CDH6: variants seen among roughly 807,000 people sequenced by gnomAD.
The protein encoded by CDH6 is cadherin-6.
CDH6 carries 31 observed loss-of-function variants against 78.0 expected under a neutral mutation model. The ratio of observed to expected loss-of-function variants is 0.40; its 90% CI spans 0.30 to 0.54. The LOEUF (loss-of-function observed/expected upper bound fraction) is 0.54. Ranked by LOEUF, CDH6 falls within the 20% of genes least tolerant of loss-of-function variation. CDH6 has a pLI of 0.56. For missense variants in CDH6, 724 were observed against 975.9 expected (o/e 0.74, Z 3.44); for synonymous variants, 376 against 368.8 (o/e 1.02, Z -0.23).
At chr5:31,220,459 A>G (rs188826336) in intron 1 of CDH6, among the ~76,000 whole-genome samples, 2 of 152,240 alleles carry the variant, frequency 1.3e-5, no homozygotes, top group African/African-American at 4.8e-5. Flanking sequence ...CAAATTCTCT[A>G]TTTATTTCTT....
intron 1 of CDH6, among the ~76,000 whole-genome samples, chr5:31,231,785 G>T (rs1324564465): frequency 1.3e-5 from 2 of 152,164 alleles, no homozygotes; most frequent in Non-Finnish European, 2.9e-5. Context: ...CCACACTGGG[G>T]ATTAAATTTC....
rs74838993 is a variant in CDH6, at chr5:31,248,203, A to C, written c.-128-19143A>C. On this transcript the variant is annotated intron_variant, in intron 1 of 11. Coordinates refer to ENST00000265071, the MANE Select transcript of CDH6 (RefSeq NM_004932.4). The stretch of plus-strand genomic sequence containing the variant: ...ACTCATTGGCATGAGTACGATGTTT[A>C]ACTGTTCAAATTAAAAGCAGACCTC... Among the ~76,000 whole-genome samples the C allele has an allele frequency of 4.0e-3, 605 of 152,314 alleles. 6 individuals carry two copies. The highest frequency in any genetic ancestry group is 0.014 in the African/African-American group (572 of 41,574).
intron 2 of CDH6, among the ~76,000 whole-genome samples, chr5:31,273,372 T>C (rs1742587119): frequency 1.3e-5 from 2 of 152,212 alleles, no homozygotes; most frequent in South Asian, 4.1e-4. Flanking sequence ...TCGTCATAGC[T>C]GATATTTTCC....
chr5:31,323,641 T>G lies in CDH6; in HGVS notation c.*333T>G, dbSNP rs1005572160. The G allele has an allele frequency of 1.2e-5, 4 of 322,484 alleles. No individual in the cohort carries two copies. The highest frequency in any genetic ancestry group is 8.1e-5 in the African/African-American group (4 of 49,080). The allele number at this position is 322,484 out of a possible 1,614,324, so 20.0% of individuals were successfully genotyped here. On this transcript the variant is annotated 3_prime_UTR_variant, in exon 12 of 12. Coordinates refer to ENST00000265071, the MANE Select transcript of CDH6 (RefSeq NM_004932.4). ...GTGTTTTACTACACTCCATGTCAGG[T>G]CAGCCAACTGCCCTAACTGTACATT...
At chr5:31,244,207 T>G (rs115725845) in intron 1 of CDH6, among the ~76,000 whole-genome samples, 2,528 of 152,320 alleles carry the variant, frequency 0.017, 47 homozygotes, top group African/African-American at 0.042. Flanking sequence ...AGTTGAAACT[T>G]ATTATCAAGA....
chr5:31,299,756 T>A (rs1737709963), intron 5 of CDH6, 125 bp downstream of exon 5: 1 of 755,496 alleles, frequency 1.3e-6, no homozygotes, highest in Admixed American at 2.5e-5. Flanking sequence ...ACTGGTACTT[T>A]TATTAAAAAT....
rs1579922838 is a variant in CDH6 at position 31,328,812 on chromosome 5, A to C, written c.*5504A>C. 1 of 218,476 alleles carries C rather than the reference A, an allele frequency of 4.6e-6. No individual in the cohort carries two copies. Among genetic ancestry groups the C allele is most frequent in the South Asian group, 1.8e-4 (1 of 5,414 alleles). The allele number at this position is 218,476 out of a possible 1,614,324, so 13.5% of individuals were successfully genotyped here. A position where few individuals can be genotyped will look rare whatever the true frequency, so the allele number is the denominator to read the frequency against. ...TCTTTGGCAACAAGAACACCTGATGAAAGCAAGCAATGCTCAGTTCCCATC... is the reference window on the plus strand; with the variant it reads ...TCTTTGGCAACAAGAACACCTGATGCAAGCAAGCAATGCTCAGTTCCCATC... On this transcript the variant is annotated 3_prime_UTR_variant, in exon 12 of 12. Coordinates refer to ENST00000265071, the MANE Select transcript of CDH6 (RefSeq NM_004932.4).
intron 1 of CDH6, among the ~76,000 whole-genome samples, chr5:31,255,728 G>A (rs1351922919): frequency 6.6e-6 from 1 of 152,144 alleles, no homozygotes; most frequent in Non-Finnish European, 1.5e-5. Context: ...TTTTGGTGTT[G>A]CAGTATCCCT....
At chr5:31,259,383 T>C (rs1579859214) in intron 1 of CDH6, among the ~76,000 whole-genome samples, 1 of 152,200 alleles carries the variant, frequency 6.6e-6, no homozygotes, top group Non-Finnish European at 1.5e-5. Flanking sequence ...TACCTTCATC[T>C]CCTGCAGGCC....
chr5:31,235,123 A>T (rs4457092), intron 1 of CDH6, among the ~76,000 whole-genome samples: 1 of 151,872 alleles, frequency 6.6e-6, no homozygotes, highest in Admixed American at 6.6e-5. Flanking sequence ...GGGTAGAAGA[A>T]AATTTTTGAA....
intron 8 of CDH6, among the ~76,000 whole-genome samples, chr5:31,315,121 T>C (rs924706281): frequency 1.2e-4 from 18 of 152,204 alleles, no homozygotes; most frequent in South Asian, 4.1e-4. Context: ...TCTGGGCAAA[T>C]GATATCTCAT....
intron 2 of CDH6, among the ~76,000 whole-genome samples, chr5:31,275,571 A>G (rs1742668344): frequency 6.6e-6 from 1 of 152,196 alleles, no homozygotes; most frequent in South Asian, 2.1e-4. Context: ...TCCATGGTGT[A>G]TACAGACCAC....
intron 1 of CDH6, among the ~76,000 whole-genome samples, chr5:31,245,823 C>T (rs1381227488): frequency 6.6e-6 from 1 of 151,476 alleles, no homozygotes; most frequent in East Asian, 2.0e-4. Context: ...TCAACCTCTA[C>T]TTCTAATACG....
At chr5:31,316,388 T>C in intron 9 of CDH6, 59 bp downstream of exon 9, 5 of 1,444,024 alleles carry the variant, frequency 3.5e-6, no homozygotes. Flanking sequence ...GATCTTCTTA[T>C]CATTCAGATG....
intron 1 of CDH6, among the ~76,000 whole-genome samples, chr5:31,242,966 G>A (rs1178476563): frequency 6.6e-6 from 1 of 152,112 alleles, no homozygotes; most frequent in Non-Finnish European, 1.5e-5. Context: ...ATCACTCTAA[G>A]TCTTTGGATT....
rs147452808 is a variant in CDH6, at chr5:31,298,815, T to G, written c.644-649T>G. Among the ~76,000 whole-genome samples, 80 of 152,296 alleles carry G rather than the reference T, an allele frequency of 5.3e-4. No homozygotes were observed. The East Asian group carries it at 0.014, about 27-fold the overall frequency. ...GGGCCAGTTGAACTAAAGTTCACGG[T>G]CAGCTTTAGGAATTCTAAAAGGCTG... On this transcript the variant is annotated intron_variant, in intron 4 of 11. Coordinates refer to ENST00000265071, the MANE Select transcript of CDH6 (RefSeq NM_004932.4).
intron 11 of CDH6, chr5:31,318,230 T>G: frequency 1.7e-6 from 1 of 581,282 alleles, no homozygotes; most frequent in Admixed American, 3.0e-5. Context: ...CCTTTTCATT[T>G]CATTCGTTGT....
intron 1 of CDH6, among the ~76,000 whole-genome samples, chr5:31,225,690 A>G (rs931530783): frequency 2.0e-5 from 3 of 152,198 alleles, no homozygotes; most frequent in African/African-American, 7.2e-5. Flanking sequence ...GTTCACCCCC[A>G]TGATCCAGTC....
chr5:31,305,459 T>C, intron 7 of CDH6, 32 bp downstream of exon 7: 1 of 1,588,844 alleles, frequency 6.3e-7, no homozygotes, highest in Non-Finnish European at 8.6e-7. Flanking sequence ...GTCTCTTTCA[T>C]AAGCTTCAGT....
Sources: gnomAD v4.1 joint callset for allele counts (sites outside exome capture counted in the v4.1 genomes callset) on GRCh38, gnomAD v4.1.1 for gene constraint, MANE v1.5 for transcripts, NCBI Gene and HGNC (gene_info 2026-07-23, HGNC 2026-07-21) for gene names.